The following FECH variants were observed in gnomAD, a reference collection of about 807,000 sequenced individuals.
The protein encoded by FECH is ferrochelatase, mitochondrial.
In FECH, 40 loss-of-function variants were observed where a neutral mutation model predicts 56.9. The observed-to-expected ratio is 0.70, with a 90% CI of 0.55 to 0.92. The LOEUF is 0.92. FECH is among the 40% of genes least tolerant of loss of function. The pLI is 0.00. For synonymous variants in FECH, 175 were observed against 198.6 expected, an observed-to-expected ratio of 0.88 and a Z score of 1.00; for missense variants, 431 against 529.1, an observed-to-expected ratio of 0.81 and a Z score of 1.82.
chr18:57,547,024 G>A lies in FECH; in HGVS notation c.*3688C>T, dbSNP rs1469466612. Among the ~76,000 whole-genome samples the A allele has an allele frequency of 6.6e-6, 1 of 151,964 alleles. No individual in the cohort carries two copies. Among genetic ancestry groups the A allele is most frequent in the African/African-American group, 2.4e-5 (1 of 41,366 alleles). On this transcript the variant is annotated 3_prime_UTR_variant, in exon 11 of 11. Coordinates refer to ENST00000262093, the MANE Select transcript of FECH (RefSeq NM_000140.5). Reference sequence around the variant, plus strand: ...TTTCAGACTTGCACAGTGGAGTGCAGTGGTGCATGGGGCCTGTAGCCCCTG... The same window carrying A: ...TTTCAGACTTGCACAGTGGAGTGCAATGGTGCATGGGGCCTGTAGCCCCTG...
chr18:57,558,050 G>A (rs2050890745), intron 7 of FECH, among the ~76,000 whole-genome samples: 1 of 152,216 alleles, frequency 6.6e-6, no homozygotes, highest in South Asian at 2.1e-4. Context: ...ATCTGCAGAG[G>A]CTTGGCCCTA....
rs894744877 is a variant in FECH, at chr18:57,573,462, A to T, written c.195-97T>A. 4 of 1,418,396 alleles carry T rather than the reference A, an allele frequency of 2.8e-6. No homozygotes were observed. The African/African-American group carries it at 5.6e-5, about 20-fold the overall frequency. The allele number at this position is 1,418,396 out of a possible 1,614,324, so 87.9% of individuals were successfully genotyped here. On this transcript the variant is annotated intron_variant, in intron 2 of 10. Transcript: ENST00000262093. ...GCCAGCAAACTCTAATCTGTTCCAT[A>T]CAAAGGTAAATACTATGGCTCTTTT...
Position 57,586,683 on chromosome 18 carries a change from C to T in FECH, c.-63G>A. On this transcript the variant is annotated 5_prime_UTR_variant, in exon 1 of 11. Transcript: ENST00000262093. ...GCGGCGGCGCGCCCAGGTGTCCGCC[C>T]AGCAGTGGCCGAGCCGGGTAGCGAT... 7.0e-7 allele frequency: 1 copy of T among 1,419,952 alleles called. No individual in the cohort carries two copies. The highest frequency in any genetic ancestry group is 9.3e-7 in the Non-Finnish European group (1 of 1,073,248). 88.0% of individuals were successfully genotyped at this position (1,419,952 alleles called of 1,614,324 possible).
At chr18:57,578,467 T>C (rs558225707) in intron 2 of FECH, among the ~76,000 whole-genome samples, 3 of 149,772 alleles carry the variant, frequency 2.0e-5, no homozygotes, top group South Asian at 4.2e-4. Flanking sequence ...AAGCCAAGAG[T>C]TCAAAACCAG....
intron 4 of FECH, among the ~76,000 whole-genome samples, chr18:57,566,806 C>T (rs1462111814): frequency 6.6e-6 from 1 of 152,108 alleles, no homozygotes; most frequent in Non-Finnish European, 1.5e-5. Flanking sequence ...ACCCACACAC[C>T]TTTACTGCAC....
chr18:57,566,585 T>C lies in FECH; in HGVS notation c.464-4A>G, dbSNP rs1265864647. 1.2e-6 allele frequency: 2 copies of C among 1,614,106 alleles called. No individual in the cohort carries two copies. The highest frequency in any genetic ancestry group is 4.5e-5 in the East Asian group (2 of 44,888). The stretch of plus-strand genomic sequence containing the variant: ...CCAATATAGTATTTGTGAGGGGCTA[T>C]TAGGAAGCACATGTGGAAAGGAGAA... On this transcript the variant is annotated splice_polypyrimidine_tract_variant and splice_region_variant and intron_variant, in intron 4 of 10. Transcript: ENST00000262093.
chr18:57,584,968 A>C (rs191188480), intron 1 of FECH, among the ~76,000 whole-genome samples: 2 of 149,862 alleles, frequency 1.3e-5, no homozygotes, highest in Admixed American at 6.7e-5. Context: ...CTATGATGGC[A>C]CCACCGTACA....
chr18:57,557,000 C>G (rs1462079817), intron 7 of FECH, among the ~76,000 whole-genome samples: 1 of 149,364 alleles, frequency 6.7e-6, no homozygotes, highest in Admixed American at 6.7e-5. Context: ...GCTGAGGAAA[C>G]CCCACAGCCA....
chr18:57,571,455 T>A lies in FECH; in HGVS notation c.400A>T (p.Ile134Leu). Reference protein sequence around the residue: ...RRIGGGSPIKIWTSKQGEGMV... With the variant: ...RRIGGGSPIKLWTSKQGEGMV... Reference sequence around the variant, plus strand: ...CCCTCTCCCTGCTTGGAAGTCCATATCTTGATGGGGGATCCGCCTCCAATC... The same window carrying A: ...CCCTCTCCCTGCTTGGAAGTCCATAACTTGATGGGGGATCCGCCTCCAATC... Residue 134 changes from isoleucine to leucine, a missense_variant, in exon 4 of 11, where the codon ATA (isoleucine) becomes TTA (leucine). Physicochemically the swap from Ile to Leu is conservative, Grantham distance 5. Transcript: ENST00000262093. 1 of 1,613,956 alleles carries A rather than the reference T, an allele frequency of 6.2e-7. No individual in the cohort carries two copies. Among genetic ancestry groups the A allele is most frequent in the Non-Finnish European group, 8.5e-7 (1 of 1,179,998 alleles).
chr18:57,563,023 G>A (rs1002750561), intron 5 of FECH, 43 bp from the exon 6 acceptor site: 1 of 1,521,042 alleles, frequency 6.6e-7, no homozygotes, highest in African/African-American at 1.4e-5. Flanking sequence ...TTTTGATTAT[G>A]GTGAAAATAA....
intron 7 of FECH, among the ~76,000 whole-genome samples, chr18:57,557,421 G>T (rs937901271): frequency 6.6e-5 from 10 of 152,180 alleles, no homozygotes; most frequent in African/African-American, 2.4e-4. Flanking sequence ...GCCAAACCTG[G>T]AAGCAGCGTG....
At chr18:57,557,716 G>C (rs1217067280) in intron 7 of FECH, among the ~76,000 whole-genome samples, 1 of 152,132 alleles carries the variant, frequency 6.6e-6, no homozygotes, top group Non-Finnish European at 1.5e-5. Context: ...AGAATCGCTT[G>C]AACCCAGGAG....
At chr18:57,559,869 GT>G (rs1398958349) in intron 6 of FECH, among the ~76,000 whole-genome samples, 3 of 152,180 alleles carry the variant, frequency 2.0e-5, no homozygotes, top group Non-Finnish European at 4.4e-5. Flanking sequence ...AGTCACATCT[GT>G]GGAACTTGAG....
chr18:57,554,820 G>T, intron 8 of FECH, 25 bp downstream of exon 8: 1 of 1,576,466 alleles, frequency 6.3e-7, no homozygotes, highest in Non-Finnish European at 8.7e-7. Context: ...AGAGCTGGCC[G>T]CCCGCCAGTG....
intron 9 of FECH, among the ~76,000 whole-genome samples, chr18:57,553,642 A>T (rs1437434977): frequency 9.2e-5 from 14 of 152,272 alleles, no homozygotes. Context: ...ATGACAATTC[A>T]CATCTATCTC....
In FECH at chr18:57,549,726, A is replaced by C. The variant is rs1444732903; in HGVS notation, c.*986T>G. 3 of 152,264 alleles carry C rather than the reference A, an allele frequency of 2.0e-5. No homozygotes were observed. Among genetic ancestry groups the C allele is most frequent in the Admixed American group, 6.5e-5 (1 of 15,292 alleles). The allele number at this position is 152,264 out of a possible 1,614,324, so 9.4% of individuals were successfully genotyped here. On this transcript the variant is annotated 3_prime_UTR_variant, in exon 11 of 11. Transcript: ENST00000262093. ...TGCATTAAAGTGGTTACTTTTCTGT[A>C]TTCTTCACATGTCCCATTGTATCAC...
At chr18:57,577,661 T>TTG (rs1555681492) in intron 2 of FECH, among the ~76,000 whole-genome samples, 7 of 152,062 alleles carry the variant, frequency 4.6e-5, no homozygotes. Flanking sequence ...AGACAAGTAT[T>TTG]TATGATGATA....
intron 7 of FECH, among the ~76,000 whole-genome samples, chr18:57,556,778 G>A (rs907844791): frequency 6.6e-6 from 1 of 151,798 alleles, no homozygotes; most frequent in Non-Finnish European, 1.5e-5. Flanking sequence ...GGGTGTGGTG[G>A]TGTGCACCTG....
At position 57,580,170 on chromosome 18, in the gene FECH, G is replaced by A; in HGVS notation, c.97C>T (p.Pro33Ser). 1 of 1,614,178 alleles carries A rather than the reference G, an allele frequency of 6.2e-7. No homozygotes were observed. The highest frequency in any genetic ancestry group is 1.3e-5 in the African/African-American group (1 of 75,046). Reference protein sequence around the residue: ...LASSSWRVCQPWRWKSGAAAA... With the variant: ...LASSSWRVCQSWRWKSGAAAA... ...GCTGCACCTGACTTCCACCTCCATG[G>A]CTGACAGACCCTCCAGCTGCTGGAT... Residue 33 changes from proline (P) to serine (S), a missense_variant, in exon 2 of 11, where the codon CCA (proline) becomes TCA (serine). Physicochemically the swap from Pro to Ser is moderately conservative, Grantham distance 74. Transcript: ENST00000262093.
Sources: allele counts gnomAD v4.1 joint callset (sites outside exome capture counted in the v4.1 genomes callset), GRCh38; gene constraint gnomAD v4.1.1; transcripts MANE v1.5; gene names NCBI Gene and HGNC (gene_info 2026-07-23, HGNC 2026-07-21).